Variants in AUTS2 observed in about 807,000 individuals in gnomAD.
AUTS2 encodes autism susceptibility gene 2 protein.
AUTS2 carries 17 observed loss-of-function variants against 112.4 expected under a neutral mutation model. The observed-to-expected ratio is 0.15, with a 90% CI of 0.10 to 0.23. The LOEUF is 0.23. Among genes scored for constraint, AUTS2 ranks in the 10% least tolerant of loss-of-function variants. The pLI, the probability that AUTS2 is intolerant of heterozygous loss-of-function variation, is 1.00. For missense variants in AUTS2, 1,510 were observed against 1,701.6 expected, an observed-to-expected ratio of 0.89 and a Z score of 1.98; for synonymous variants, 751 against 702.7, an observed-to-expected ratio of 1.07 and a Z score of -1.09.
intron 1 of AUTS2, among the ~76,000 whole-genome samples, chr7:69,618,103 G>A (rs923502622): frequency 1.3e-5 from 2 of 152,158 alleles, no homozygotes; most frequent in Admixed American, 6.5e-5. Flanking sequence ...AGTAATTTCT[G>A]TATGGTCATG....
chr7:69,676,226 G>T (rs968200911), intron 1 of AUTS2, among the ~76,000 whole-genome samples: 4 of 152,208 alleles, frequency 2.6e-5, no homozygotes, highest in African/African-American at 9.6e-5. Context: ...TGAAGCATTT[G>T]GGGATTCAAA....
chr7:69,809,569 A>T (rs1790456404), intron 1 of AUTS2, among the ~76,000 whole-genome samples: 1 of 152,138 alleles, frequency 6.6e-6, no homozygotes, highest in African/African-American at 2.4e-5. Context: ...ACAAATACCC[A>T]TGCTCAGAAC....
chr7:69,600,516 C>G (rs2129068328), intron 1 of AUTS2, among the ~76,000 whole-genome samples: 1 of 147,342 alleles, frequency 6.8e-6, no homozygotes, highest in East Asian at 2.0e-4. Context: ...CTTTGCGCCT[C>G]CCCCCATTAC....
At chr7:70,657,563 A>T (rs1806837316) in intron 5 of AUTS2, among the ~76,000 whole-genome samples, 1 of 152,210 alleles carries the variant, frequency 6.6e-6, no homozygotes, top group Admixed American at 6.5e-5. Context: ...CTATCAAGAC[A>T]TCAAAGCTAG....
At chr7:70,223,676 G>C (rs1468465139) in intron 4 of AUTS2, among the ~76,000 whole-genome samples, 2 of 152,080 alleles carry the variant, frequency 1.3e-5, no homozygotes, top group Non-Finnish European at 2.9e-5. Context: ...AACATCTCAG[G>C]CAGGTTCTTC....
rs749105983 is a variant in AUTS2, at chr7:70,290,485, G to A, written c.661-145267G>A. 7.2e-5 allele frequency: 111 copies of A among 1,539,812 alleles called. No homozygotes were observed. The highest frequency in any genetic ancestry group is 4.5e-4 in the East Asian group (18 of 40,180). The stretch of plus-strand genomic sequence containing the variant: ...TAATAGGGAGAGTTTCTTTTCTCTC[G>A]TCAAATTGCTTAAAGGATTCTAGTT... On this transcript the variant is annotated intron_variant, in intron 4 of 18. Transcript: ENST00000342771.
chr7:69,992,157 G>C (rs1798765814), intron 2 of AUTS2, among the ~76,000 whole-genome samples: 1 of 152,188 alleles, frequency 6.6e-6, no homozygotes, highest in African/African-American at 2.4e-5. Context: ...GTCCATGTGA[G>C]ACGGAAAAGG....
intron 2 of AUTS2, among the ~76,000 whole-genome samples, chr7:69,912,719 C>G (rs1030612117): frequency 6.6e-6 from 1 of 152,188 alleles, no homozygotes; most frequent in African/African-American, 2.4e-5. Flanking sequence ...AGCTCTTTGG[C>G]TTTCATTTTA....
At position 69,624,672 on chromosome 7, in the gene AUTS2, T is replaced by C. The variant is rs1469718684; in HGVS notation, c.309+24710T>C. ...TGGGCTCTGTGGATGTGAGAGCTGC[T>C]CCCTTTCCCCTCTCTGCCTCATGCT... On this transcript the variant is annotated intron_variant, in intron 1 of 18. Transcript: ENST00000342771. Among the ~76,000 whole-genome samples the C allele has an allele frequency of 3.3e-5, 5 of 152,146 alleles. No individual in the cohort carries two copies. In the South Asian group the frequency reaches 6.2e-4, roughly 19 times the overall value.
At chr7:70,377,025 T>A (rs1157870059) in intron 4 of AUTS2, among the ~76,000 whole-genome samples, 1 of 151,808 alleles carries the variant, frequency 6.6e-6, no homozygotes, top group Non-Finnish European at 1.5e-5. Flanking sequence ...AAATTGTGGC[T>A]TCATTGATGC....
intron 6 of AUTS2, among the ~76,000 whole-genome samples, chr7:70,706,809 A>G (rs1809763009): frequency 6.6e-6 from 1 of 152,188 alleles, no homozygotes; most frequent in African/African-American, 2.4e-5. Context: ...TAATTGTTGG[A>G]CTGGCCAGAT....
At chr7:70,615,965 G>A (rs971263442) in intron 5 of AUTS2, among the ~76,000 whole-genome samples, 14 of 152,142 alleles carry the variant, frequency 9.2e-5, no homozygotes, top group African/African-American at 1.9e-4. Flanking sequence ...GGCTGGTCTC[G>A]AACTCCAGAC....
intron 5 of AUTS2, among the ~76,000 whole-genome samples, chr7:70,476,153 C>T (rs1410143684): frequency 1.3e-5 from 2 of 152,170 alleles, no homozygotes; most frequent in Non-Finnish European, 2.9e-5. Flanking sequence ...GGTATATACA[C>T]TGTTTTTACC....
rs981743541 is a variant in AUTS2, at chr7:70,210,071, C to T, written c.660+75500C>T. ...TGACATTGGGGTATAGGAATTAAAC[C>T]GTGTGCATTCTGTCTCTCACCCCAA... On this transcript the variant is annotated intron_variant, in intron 4 of 18. Coordinates refer to ENST00000342771, the MANE Select transcript of AUTS2 (RefSeq NM_015570.4). Among the ~76,000 whole-genome samples, 5 of 152,018 alleles carry T rather than the reference C, an allele frequency of 3.3e-5. 1 individual carries two copies. The South Asian group carries it at 6.2e-4, about 19-fold the overall frequency.
intron 2 of AUTS2, among the ~76,000 whole-genome samples, chr7:70,011,671 G>A (rs555697813): frequency 2.0e-5 from 3 of 152,120 alleles, no homozygotes; most frequent in Non-Finnish European, 4.4e-5. Flanking sequence ...TTGGACTGGT[G>A]GCCGGAACAA....
At chr7:70,080,629 C>T (rs1249502385) in intron 2 of AUTS2, among the ~76,000 whole-genome samples, 1 of 152,102 alleles carries the variant, frequency 6.6e-6, no homozygotes, top group Non-Finnish European at 1.5e-5. Context: ...CTTCTTTTCC[C>T]AAGGAGCTGG....
intron 4 of AUTS2, among the ~76,000 whole-genome samples, chr7:70,408,003 G>A (rs368057091): frequency 1.3e-4 from 20 of 150,180 alleles, no homozygotes; most frequent in Non-Finnish European, 2.5e-4. Context: ...GCAGTGGGCC[G>A]AGATCGCGCC....
intron 2 of AUTS2, among the ~76,000 whole-genome samples, chr7:69,953,631 G>A (rs1797110329): frequency 6.6e-6 from 1 of 152,208 alleles, no homozygotes; most frequent in African/African-American, 2.4e-5. Flanking sequence ...CATTGGAAGG[G>A]TGGCCAGCCA....
intron 2 of AUTS2, among the ~76,000 whole-genome samples, chr7:70,046,583 A>C (rs1801514361): frequency 6.6e-6 from 1 of 152,230 alleles, no homozygotes; most frequent in Non-Finnish European, 1.5e-5. Flanking sequence ...AACAACTGGC[A>C]GTAATTAAAA....
Sources: gnomAD v4.1 joint callset for allele counts (sites outside exome capture counted in the v4.1 genomes callset) on GRCh38, gnomAD v4.1.1 for gene constraint, MANE v1.5 for transcripts, NCBI Gene and HGNC (gene_info 2026-07-23, HGNC 2026-07-21) for gene names.